The following ARHGAP40 variants were observed in gnomAD, a reference collection of about 807,000 sequenced individuals.
ARHGAP40 encodes rho GTPase-activating protein 40.
In ARHGAP40, 43 loss-of-function variants were observed where a neutral mutation model predicts 73.5. The observed-to-expected ratio is 0.58, with a 90% CI of 0.46 to 0.75. The LOEUF is 0.75. ARHGAP40 is among the 30% of genes least tolerant of loss of function. The pLI is 0.00. For missense variants in ARHGAP40, 734 were observed against 861.8 expected, an observed-to-expected ratio of 0.85 and a Z score of 1.86; for synonymous variants, 300 against 352.8, an observed-to-expected ratio of 0.85 and a Z score of 1.68.
rs575618659 is a variant in ARHGAP40, at chr20:38,626,465, C to T, written c.338-530C>T. 8.5e-5 allele frequency among the ~76,000 whole-genome samples: 13 copies of T among 152,332 alleles called. No homozygotes were observed. In the South Asian group the frequency reaches 2.7e-3, roughly 32 times the overall value. On this transcript the variant is annotated intron_variant, in intron 2 of 14. Transcript: ENST00000373345. ...GGTAAGACCCGAGATCCTGAAATCT[C>T]AACACACCCTCCCATTCCAGTTAAT...
chr20:38,635,946 C>G (rs1478392418), intron 6 of ARHGAP40, among the ~76,000 whole-genome samples: 3 of 152,112 alleles, frequency 2.0e-5, no homozygotes, highest in Non-Finnish European at 4.4e-5. Context: ...GAGTGTAGGT[C>G]TGCTCACAGG....
intron 3 of ARHGAP40, among the ~76,000 whole-genome samples, chr20:38,627,731 C>G (rs1212920965): frequency 6.6e-6 from 1 of 150,454 alleles, no homozygotes; most frequent in Non-Finnish European, 1.5e-5. Flanking sequence ...GGCTTGCACA[C>G]GTATGTCTCC....
intron 3 of ARHGAP40, among the ~76,000 whole-genome samples, chr20:38,627,873 T>G (rs932909996): frequency 2.0e-5 from 3 of 152,192 alleles, no homozygotes; most frequent in Non-Finnish European, 4.4e-5. Flanking sequence ...TAATTGTTAT[T>G]GATGCAGGGC....
intron 3 of ARHGAP40, among the ~76,000 whole-genome samples, chr20:38,627,673 GGTGTGTGTGTTGT>G (rs1305997864): frequency 7.0e-4 from 104 of 148,826 alleles, no homozygotes; most frequent in African/African-American, 2.5e-3. Context: ...GGGGTGTGTT[GGTGTGTGTGTTGT>G]GTGTGTGTTG....
chr20:38,615,361 A>G (rs898451323), intron 1 of ARHGAP40: 13 of 756,496 alleles, frequency 1.7e-5, no homozygotes, highest in South Asian at 1.5e-4. Context: ...CTGGTAAACC[A>G]GGGTTAAAAG....
At chr20:38,602,477 G>C (rs964089406) in intron 1 of ARHGAP40, among the ~76,000 whole-genome samples, 2 of 152,150 alleles carry the variant, frequency 1.3e-5, no homozygotes, top group Admixed American at 6.5e-5. Flanking sequence ...CAGTGTGGCC[G>C]TGTGGTCACC....
At chr20:38,643,223 T>C (rs220530) in intron 10 of ARHGAP40, among the ~76,000 whole-genome samples, 98,900 of 151,962 alleles carry the variant, frequency 0.65, 33,313 homozygotes, top group African/African-American at 0.84. Context: ...GATGTACCAA[T>C]TAAAGGCCCA....
chr20:38,650,058 C>T (rs900381438), exon 15 of ARHGAP40: 7 of 364,696 alleles, frequency 1.9e-5, no homozygotes, highest in Non-Finnish European at 2.7e-5. Context: ...GCTAGGGCCT[C>T]AGGGAGGGGA....
At position 38,639,373 on chromosome 20, in the gene ARHGAP40, C is replaced by T. The variant is rs568369402; in HGVS notation, c.1266C>T (p.Phe422=). 141 of 1,305,510 alleles carry T rather than the reference C, an allele frequency of 1.1e-4. No individual in the cohort carries two copies. The East Asian group carries it at 4.7e-3, about 44-fold the overall frequency. The allele number at this position is 1,305,510 out of a possible 1,614,324, so 80.9% of individuals were successfully genotyped here. The change falls in exon 9 of 15, where the codon TTC becomes TTT. Residue 422 remains phenylalanine (F), a synonymous_variant. Coordinates refer to ENST00000373345, the Ensembl canonical transcript of ARHGAP40. ...TCACGGCTGAGTACCTCCCGGCCTT[C>T]GCCGTGGTGCCTAGTGAGTGTGCCC...
rs1367932804 is a variant in ARHGAP40 at position 38,646,086 on chromosome 20, G to A, written c.1609G>A (p.Asp537Asn). 2.3e-6 allele frequency: 3 copies of A among 1,304,112 alleles called. No individual in the cohort carries two copies. Among genetic ancestry groups the A allele is most frequent in the African/African-American group, 1.5e-5 (1 of 65,872 alleles). 80.8% of individuals were successfully genotyped at this position (1,304,112 alleles called of 1,614,324 possible). The change falls in exon 12 of 15, where the codon GAC becomes AAC. Residue 537 changes from aspartate to asparagine, a missense_variant. Physicochemically the swap from Asp to Asn is conservative, Grantham distance 23. Transcript: ENST00000373345. This position sits in a 1 kb window ranked among gnomAD's most constrained non-coding sequence, Gnocchi z 4.5. Reference sequence around the variant, plus strand: ...GGTCGCCCAGGTGCGAAAACTGAACGACAGTAGCAGCAGGCGCCCCCAGCT... The same window carrying A: ...GGTCGCCCAGGTGCGAAAACTGAACAACAGTAGCAGCAGGCGCCCCCAGCT...
chr20:38,615,544 C>T (rs1010414990), intron 1 of ARHGAP40: 14 of 580,700 alleles, frequency 2.4e-5, no homozygotes, highest in Admixed American at 5.0e-5. Context: ...GAGGAGGTGC[C>T]GCAGCCACTG....
chr20:38,601,952 C>A (rs575406351), exon 1 of ARHGAP40: 2 of 1,287,856 alleles, frequency 1.6e-6, no homozygotes, highest in African/African-American at 3.0e-5. Flanking sequence ...CATGGCCGAG[C>A]CTGCCCTCCT....
At chr20:38,643,816 C>T (rs1196204214) in exon 11 of ARHGAP40, 7 of 1,305,516 alleles carry the variant, frequency 5.4e-6, no homozygotes, top group Non-Finnish European at 7.1e-6. Flanking sequence ...CAAGGGCGGC[C>T]CCCCAAGCTC....
rs1436440693 is a variant in ARHGAP40, at chr20:38,646,166, G to A, written c.1689G>A (p.Lys563=). The A allele has an allele frequency of 3.8e-6, 5 of 1,303,134 alleles. No homozygotes were observed. The African/African-American group carries it at 4.6e-5, about 12-fold the overall frequency. The allele number at this position is 1,303,134 out of a possible 1,614,324, so 80.7% of individuals were successfully genotyped here. The change falls in exon 12 of 15, where the codon AAG becomes AAA. Residue 563 remains lysine (K), a synonymous_variant. Coordinates refer to ENST00000373345, the Ensembl canonical transcript of ARHGAP40. The surrounding 1 kb of genome is among the most constrained non-coding windows in gnomAD (Gnocchi z 4.5). ...GGAGGATGCACGCAGACAGGGACAA[G>A]GCGGGGGACGGCCTCGAGGCGGTGA...
chr20:38,628,899 A>G, intron 3 of ARHGAP40, 28 bp from the exon 4 acceptor site: 1 of 1,292,864 alleles, frequency 7.7e-7, no homozygotes, highest in Non-Finnish European at 1.0e-6. Flanking sequence ...CCACATGAGT[A>G]ATTGGGCACT....
At chr20:38,620,905 T>C (rs1242338174) in intron 1 of ARHGAP40, among the ~76,000 whole-genome samples, 1 of 152,168 alleles carries the variant, frequency 6.6e-6, no homozygotes, top group Non-Finnish European at 1.5e-5. Context: ...GGGTCTACGG[T>C]AAAATCCTGG....
chr20:38,610,772 C>T (rs904559324), intron 1 of ARHGAP40, among the ~76,000 whole-genome samples: 3 of 152,102 alleles, frequency 2.0e-5, no homozygotes, highest in African/African-American at 7.2e-5. Context: ...TTCAGAGTTG[C>T]TCGTAGGGGT....
At chr20:38,644,943 C>T (rs1323779703) in intron 11 of ARHGAP40, among the ~76,000 whole-genome samples, 2 of 152,298 alleles carry the variant, frequency 1.3e-5, no homozygotes, top group South Asian at 4.1e-4. Context: ...TCCCTTCCTT[C>T]TTCCATGGTC....
rs187984936 is a variant in ARHGAP40 at position 38,604,238 on chromosome 20, G to A, written c.137+2159G>A. On this transcript the variant is annotated intron_variant, in intron 1 of 14. Coordinates refer to ENST00000373345, the Ensembl canonical transcript of ARHGAP40. The stretch of plus-strand genomic sequence containing the variant: ...TGTGATCTTTGAGGCAATTAATATT[G>A]AATTCACTATAAGAGCTCGTGACCC... Among the ~76,000 whole-genome samples, 615 of 152,154 alleles carry A rather than the reference G, an allele frequency of 4.0e-3. 5 individuals carry two copies. Among genetic ancestry groups the A allele is most frequent in the Non-Finnish European group, 2.1e-3 (146 of 68,004 alleles).
Sources: allele counts gnomAD v4.1 joint callset (sites outside exome capture counted in the v4.1 genomes callset), GRCh38; gene constraint gnomAD v4.1.1; non-coding constraint Gnocchi (gnomAD v3.1); transcripts MANE v1.5; gene names NCBI Gene and HGNC (gene_info 2026-07-23, HGNC 2026-07-21).